Variants in PRKCE observed in about 807,000 individuals in gnomAD.
PRKCE encodes protein kinase C epsilon, also known as protein kinase C epsilon type.
In PRKCE, 16 loss-of-function variants were observed where a neutral mutation model predicts 85.4. The observed-to-expected ratio is 0.19, with a 90% CI of 0.13 to 0.28. PRKCE has a LOEUF of 0.28. Among genes scored for constraint, PRKCE ranks in the 10% least tolerant of loss-of-function variants. The pLI is 1.00. For missense variants in PRKCE, 573 were observed against 975.2 expected (o/e 0.59, Z 5.49); for synonymous variants, 388 against 371.5 (o/e 1.04, Z -0.51).
chr2:45,949,797 C>T (rs540914069), intron 2 of PRKCE, among the ~76,000 whole-genome samples: 1 of 151,996 alleles, frequency 6.6e-6, no homozygotes, highest in South Asian at 2.1e-4. Flanking sequence ...TCTGTTCTAT[C>T]CCTTTGGTCT....
chr2:45,834,278 T>C (rs2105421505), intron 1 of PRKCE, among the ~76,000 whole-genome samples: 1 of 152,334 alleles, frequency 6.6e-6, no homozygotes, highest in South Asian at 2.1e-4. Flanking sequence ...CAGCCAGTTT[T>C]GAGGGGTGTT....
intron 10 of PRKCE, among the ~76,000 whole-genome samples, chr2:46,013,403 G>A (rs976245058): frequency 6.6e-6 from 1 of 152,198 alleles, no homozygotes; most frequent in Admixed American, 6.5e-5. Flanking sequence ...GAATAGTTAT[G>A]TTCTAGATGG....
chr2:46,008,838 G>C (rs540265030), intron 9 of PRKCE, among the ~76,000 whole-genome samples: 1 of 152,320 alleles, frequency 6.6e-6, no homozygotes, highest in Admixed American at 6.5e-5. Flanking sequence ...TTCATATAGT[G>C]TAGGCAGAAT....
At chr2:46,141,725 A>T (rs938965508) in intron 11 of PRKCE, among the ~76,000 whole-genome samples, 2 of 149,966 alleles carry the variant, frequency 1.3e-5, no homozygotes, top group African/African-American at 4.9e-5. Flanking sequence ...AATATGTCCC[A>T]TTCCTCAAAA....
chr2:46,044,961 T>C (rs905829838), intron 10 of PRKCE, among the ~76,000 whole-genome samples: 1 of 152,250 alleles, frequency 6.6e-6, no homozygotes, highest in East Asian at 1.9e-4. Flanking sequence ...TCGTTATGTA[T>C]AGTATATGTT....
intron 1 of PRKCE, among the ~76,000 whole-genome samples, chr2:45,767,155 A>T (rs1185469475): frequency 6.6e-6 from 1 of 152,208 alleles, no homozygotes; most frequent in Non-Finnish European, 1.5e-5. Flanking sequence ...TAATTATCAA[A>T]TAATTATCTC....
Position 46,004,058 on chromosome 2 carries a change from TG to T in PRKCE, c.967-482del. ...TTGCAGTCTTTGTCCAGCTTTAGCC[TG>T]GTGATAACCACCTTGCTGGGGTAGA... On this transcript the variant is annotated intron_variant, in intron 7 of 14. Coordinates refer to ENST00000306156, the MANE Select transcript of PRKCE (RefSeq NM_005400.3). This position sits in a 1 kb window ranked among gnomAD's most constrained non-coding sequence, Gnocchi z 4.1. 1 of 205,036 alleles carries T rather than the reference TG, an allele frequency of 4.9e-6. No individual in the cohort carries two copies. Among genetic ancestry groups the T allele is most frequent in the Non-Finnish European group, 1.0e-5 (1 of 98,172 alleles). The allele number at this position is 205,036 out of a possible 1,614,324, so 12.7% of individuals were successfully genotyped here.
chr2:45,660,659 A>G (rs1355779644), intron 1 of PRKCE, among the ~76,000 whole-genome samples: 1 of 152,244 alleles, frequency 6.6e-6, no homozygotes, highest in Non-Finnish European at 1.5e-5. Flanking sequence ...AGGCTAAAAT[A>G]ACTCCAGAGC....
chr2:46,123,028 G>T (rs936454835), intron 11 of PRKCE, among the ~76,000 whole-genome samples: 1 of 150,172 alleles, frequency 6.7e-6, no homozygotes, highest in Non-Finnish European at 1.5e-5. Context: ...ATCCTAGAAA[G>T]CTTTACCAGA....
chr2:45,962,571 T>C (rs1259089923), intron 2 of PRKCE, among the ~76,000 whole-genome samples: 2 of 152,216 alleles, frequency 1.3e-5, no homozygotes, highest in African/African-American at 4.8e-5. Context: ...TTAGCTGATG[T>C]TTCTCTTGGT....
chr2:45,679,677 C>G (rs937511064), intron 1 of PRKCE, among the ~76,000 whole-genome samples: 6 of 152,078 alleles, frequency 3.9e-5, no homozygotes, highest in African/African-American at 1.4e-4. Flanking sequence ...GGAACACTTA[C>G]AAGAAGAGGG....
At chr2:45,740,459 T>C (rs1276814730) in intron 1 of PRKCE, among the ~76,000 whole-genome samples, 1 of 151,938 alleles carries the variant, frequency 6.6e-6, no homozygotes, top group Non-Finnish European at 1.5e-5. Context: ...TTCAGCATTG[T>C]TTCTCCTTTA....
chr2:45,853,739 G>A (rs1692458752), intron 2 of PRKCE, among the ~76,000 whole-genome samples: 1 of 152,212 alleles, frequency 6.6e-6, no homozygotes, highest in African/African-American at 2.4e-5. Flanking sequence ...TGTTTGGCCT[G>A]ACTTTGCTTT....
At position 46,138,349 on chromosome 2, in the gene PRKCE, G is replaced by A. The variant is rs777251213; in HGVS notation, c.1593-6744G>A. ...GTCATTTTATCTAATAGGTGGTCACGGGCAGTTATGTAGGGTCAGCCCACG... is the reference window on the plus strand; with the variant it reads ...GTCATTTTATCTAATAGGTGGTCACAGGCAGTTATGTAGGGTCAGCCCACG... On this transcript the variant is annotated intron_variant, in intron 11 of 14. Transcript: ENST00000306156. The surrounding 1 kb of genome is among the most constrained non-coding windows in gnomAD (Gnocchi z 4.2). 9.2e-5 allele frequency among the ~76,000 whole-genome samples: 14 copies of A among 152,142 alleles called. No homozygotes were observed. The highest frequency in any genetic ancestry group is 8.3e-4 in the South Asian group (4 of 4,826).
At chr2:45,655,686 T>C (rs1313541035) in intron 1 of PRKCE, among the ~76,000 whole-genome samples, 2 of 151,606 alleles carry the variant, frequency 1.3e-5, no homozygotes, top group Admixed American at 1.3e-4. Flanking sequence ...ATTAGCCAAA[T>C]CTGGACCTGC....
chr2:46,128,870 C>T (rs973882072), intron 11 of PRKCE, among the ~76,000 whole-genome samples: 4 of 152,088 alleles, frequency 2.6e-5, no homozygotes, highest in African/African-American at 7.2e-5. Context: ...TATTTCTGGT[C>T]CTGCTCGTGG....
intron 1 of PRKCE, among the ~76,000 whole-genome samples, chr2:45,702,402 A>G (rs961837387): frequency 1.3e-5 from 2 of 152,286 alleles, no homozygotes; most frequent in African/African-American, 2.4e-5. Context: ...CCTACCCACT[A>G]CAATCAGTTT....
intron 2 of PRKCE, among the ~76,000 whole-genome samples, chr2:45,975,207 C>A (rs1702366848): frequency 6.6e-6 from 1 of 152,132 alleles, no homozygotes; most frequent in Non-Finnish European, 1.5e-5. Flanking sequence ...TTCGAGGGTT[C>A]ATTGAGATGT....
intron 10 of PRKCE, among the ~76,000 whole-genome samples, chr2:46,061,869 T>A (rs1280386869): frequency 6.9e-6 from 1 of 144,310 alleles, no homozygotes; most frequent in Non-Finnish European, 1.5e-5. Context: ...CTTTTTTTTT[T>A]TTTTTTTTGC....
Sources: gnomAD v4.1 joint callset for allele counts (sites outside exome capture counted in the v4.1 genomes callset) on GRCh38, gnomAD v4.1.1 for gene constraint, Gnocchi (gnomAD v3.1) non-coding constraint, MANE v1.5 for transcripts, NCBI Gene and HGNC (gene_info 2026-07-23, HGNC 2026-07-21) for gene names.